Variants in APCDD1 observed in about 807,000 individuals in gnomAD.
APCDD1 encodes APC down-regulated 1, also known as protein APCDD1.
A neutral mutation model predicts 38.1 loss-of-function variants in APCDD1; 15 were observed. That is an observed-to-expected ratio of 0.39 (90% CI 0.26 to 0.61). The LOEUF (loss-of-function observed/expected upper bound fraction) is 0.61, where lower values mean the gene tolerates loss of function less well. APCDD1 is among the 20% of genes least tolerant of loss of function. The pLI is 0.49. For missense variants in APCDD1, 647 were observed against 696.2 expected (o/e 0.93, Z 0.79); for synonymous variants, 261 against 279.7 (o/e 0.93, Z 0.67).
At position 10,463,807 on chromosome 18, in the gene APCDD1, G is replaced by A. The variant is rs543616041; in HGVS notation, c.59-4662G>A. On this transcript the variant is annotated intron_variant, in intron 1 of 4. Transcript: ENST00000355285. ...GATGTTGGGTACTTTGAAGGGAAAA[G>A]ATAAAAATGGAATAAATACCAACCC... is the stretch of plus-strand genomic sequence containing the variant. Among the ~76,000 whole-genome samples, 9 of 152,296 alleles carry A rather than the reference G, an allele frequency of 5.9e-5. No homozygotes were observed. The South Asian group carries it at 1.9e-3, about 32-fold the overall frequency.
intron 1 of APCDD1, among the ~76,000 whole-genome samples, chr18:10,463,280 A>G (rs571714077): frequency 6.6e-6 from 1 of 152,094 alleles, no homozygotes; most frequent in South Asian, 2.1e-4. Flanking sequence ...CTACAACCCT[A>G]CAGTTTCTTG....
rs553603199 is a variant in APCDD1, at chr18:10,459,860, G to A, written c.58+4821G>A. On this transcript the variant is annotated intron_variant, in intron 1 of 4. Coordinates refer to ENST00000355285, the MANE Select transcript of APCDD1 (RefSeq NM_153000.5). ...TTTTATGTATCACAACAATTCTAAC[G>A]AGAACACTTTTCTCAGTCTGATTAT... 8.6e-4 allele frequency among the ~76,000 whole-genome samples: 25 copies of A among 28,922 alleles called. 1 individual carries two copies. Among genetic ancestry groups the A allele is most frequent in the Admixed American group, 5.8e-3 (23 of 3,932 alleles). The allele number at this position is 28,922 out of a possible 152,430, so 19.0% of individuals were successfully genotyped here.
Position 10,485,939 on chromosome 18 carries a change from C to G in APCDD1, c.1096+156C>G, listed in dbSNP as rs2031242416. ...CTGCCTCAGTCCTTCCCAACGCCCTCTGAGTTTCTCCCTGCTCAAAATGGA... is the reference window on the plus strand; with the variant it reads ...CTGCCTCAGTCCTTCCCAACGCCCTGTGAGTTTCTCCCTGCTCAAAATGGA... On this transcript the variant is annotated intron_variant, in intron 4 of 4. Coordinates refer to ENST00000355285, the MANE Select transcript of APCDD1 (RefSeq NM_153000.5). The surrounding 1 kb of genome is among the most constrained non-coding windows in gnomAD (Gnocchi z 5.8). Among the ~76,000 whole-genome samples the G allele has an allele frequency of 6.6e-6, 1 of 152,232 alleles. No individual in the cohort carries two copies. Among genetic ancestry groups the G allele is most frequent in the East Asian group, 1.9e-4 (1 of 5,198 alleles).
At position 10,474,785 on chromosome 18, in the gene APCDD1, CA is replaced by C. The variant is rs1396200076; in HGVS notation, c.774+2726del. Among the ~76,000 whole-genome samples the C allele has an allele frequency of 5.3e-5, 8 of 152,350 alleles. No homozygotes were observed. In the South Asian group the frequency reaches 1.2e-3, roughly 24 times the overall value. Reference sequence around the variant, plus strand: ...CCAGGAGGGGACACTTCATTCCCGTCAATGTCCCTCTGCAGACCTGTCTGTG... The same window carrying C: ...CCAGGAGGGGACACTTCATTCCCGTCATGTCCCTCTGCAGACCTGTCTGTG... On this transcript the variant is annotated intron_variant, in intron 3 of 4. Coordinates refer to ENST00000355285, the MANE Select transcript of APCDD1 (RefSeq NM_153000.5).
In APCDD1 at chr18:10,481,773, C is replaced by T. The variant is rs1015661728; in HGVS notation, c.775-3689C>T. 2.6e-5 allele frequency among the ~76,000 whole-genome samples: 4 copies of T among 151,972 alleles called. No individual in the cohort carries two copies. The East Asian group carries it at 7.7e-4, about 29-fold the overall frequency. On this transcript the variant is annotated intron_variant, in intron 3 of 4. Transcript: ENST00000355285. ...ACTCCCTGCACCCTCCCTAAATTCT[C>T]AGGCCCACCTGATGGAAAACAAGCC...
rs887842776 is a variant in APCDD1 at position 10,471,436 on chromosome 18, T to C, written c.243-94T>C. ...AGAGTCTGGCCCATCGTCAGCACTT[T>C]ATTATTATTTCTGTAATTTCTTAAT... On this transcript the variant is annotated intron_variant, in intron 2 of 4. Transcript: ENST00000355285. The surrounding 1 kb of genome is among the most constrained non-coding windows in gnomAD (Gnocchi z 5.5). 1 of 1,528,660 alleles carries C rather than the reference T, an allele frequency of 6.5e-7. No homozygotes were observed. The highest frequency in any genetic ancestry group is 1.7e-5 in the Admixed American group (1 of 58,274). The allele number at this position is 1,528,660 out of a possible 1,614,324, so 94.7% of individuals were successfully genotyped here.
In APCDD1 at chr18:10,454,791, G is replaced by T. The variant is rs561727777; in HGVS notation, c.-191G>T. 1.6e-5 allele frequency: 16 copies of T among 980,982 alleles called. No homozygotes were observed. The South Asian group carries it at 7.0e-4, about 43-fold the overall frequency. The allele number at this position is 980,982 out of a possible 1,614,324, so 60.8% of individuals were successfully genotyped here. On this transcript the variant is annotated 5_prime_UTR_variant, in exon 1 of 5. Transcript: ENST00000355285. ...CGGGCCGGGGCGCCCACAGCCGCCC[G>T]ACGGCGCCCAGAGAGCGCGCGCCCC...
Position 10,471,843 on chromosome 18 carries a change from G to A in APCDD1, c.556G>A (p.Ala186Thr). The change falls in exon 3 of 5, where the codon GCC becomes ACC. Residue 186 changes from alanine to threonine, a missense_variant. Ala to Thr is a moderately conservative substitution (Grantham distance 58). Coordinates refer to ENST00000355285, the MANE Select transcript of APCDD1 (RefSeq NM_153000.5). This position sits in a 1 kb window ranked among gnomAD's most constrained non-coding sequence, Gnocchi z 5.5. ...ADGGPWVQDVAYDLWREENGC... is the reference protein window; with the variant it reads ...ADGGPWVQDVTYDLWREENGC... ...CGGGGGTCCCTGGGTGCAGGACGTG[G>A]CCTATGACCTCTGGCGAGAGGAGAA... The A allele has an allele frequency of 3.1e-6, 5 of 1,614,208 alleles. No individual in the cohort carries two copies. Among genetic ancestry groups the A allele is most frequent in the Non-Finnish European group, 4.2e-6 (5 of 1,180,052 alleles).
In APCDD1 at chr18:10,469,914, G is replaced by A. The variant is rs1340519982; in HGVS notation, c.242+1262G>A. Among the ~76,000 whole-genome samples, 1 of 152,210 alleles carries A rather than the reference G, an allele frequency of 6.6e-6. No individual in the cohort carries two copies. The highest frequency in any genetic ancestry group is 6.5e-5 in the Admixed American group (1 of 15,286). ...CAGCCTCACATGAGGCTGCTGGGGA[G>A]GGTAGGCCAGCTCTAAGGCATCTTG... is the stretch of plus-strand genomic sequence containing the variant. On this transcript the variant is annotated intron_variant, in intron 2 of 4. Transcript: ENST00000355285. The surrounding 1 kb of genome is among the most constrained non-coding windows in gnomAD (Gnocchi z 5.5).
In APCDD1 at chr18:10,488,818, G is replaced by A. The variant is rs980124710; in HGVS notation, c.*780G>A. On this transcript the variant is annotated 3_prime_UTR_variant, in exon 5 of 5. Coordinates refer to ENST00000355285, the MANE Select transcript of APCDD1 (RefSeq NM_153000.5). The stretch of plus-strand genomic sequence containing the variant: ...AGTAGACAGGATCATTAGGAAAATA[G>A]CAACATCAATCCTGTTACACAGGAG... 1.2e-4 allele frequency: 18 copies of A among 152,114 alleles called. No individual in the cohort carries two copies. Among genetic ancestry groups the A allele is most frequent in the African/African-American group, 4.3e-4 (18 of 41,386 alleles). 9.4% of individuals were successfully genotyped at this position (152,114 alleles called of 1,614,324 possible).
chr18:10,454,930 C>T lies in APCDD1; in HGVS notation c.-52C>T. 2.0e-6 allele frequency: 3 copies of T among 1,478,788 alleles called. No homozygotes were observed. Among genetic ancestry groups the T allele is most frequent in the Non-Finnish European group, 2.7e-6 (3 of 1,110,980 alleles). 91.6% of individuals were successfully genotyped at this position (1,478,788 alleles called of 1,614,324 possible). The stretch of plus-strand genomic sequence containing the variant: ...AGGGCAGAGCGCGCGCCCAGTTGCC[C>T]GGGCACCAAATCGGAGCGCGGCGTG... On this transcript the variant is annotated 5_prime_UTR_variant, in exon 1 of 5. Transcript: ENST00000355285.
chr18:10,474,461 G>C (rs1470482699), intron 3 of APCDD1, among the ~76,000 whole-genome samples: 1 of 152,260 alleles, frequency 6.6e-6, no homozygotes, highest in Non-Finnish European at 1.5e-5. Context: ...CGAGGTCTGA[G>C]TGAGGAGGCA....
In APCDD1 at chr18:10,472,141, G is replaced by A; in HGVS notation, c.774+80G>A. On this transcript the variant is annotated intron_variant, in intron 3 of 4. Coordinates refer to ENST00000355285, the MANE Select transcript of APCDD1 (RefSeq NM_153000.5). The surrounding 1 kb of genome is among the most constrained non-coding windows in gnomAD (Gnocchi z 6.6). ...TAAAGGCTTGCCATGGGGGCTCTAG[G>A]GCACCCTTGAAAGGGGGAATTCTGC... The A allele has an allele frequency of 6.3e-7, 1 of 1,585,396 alleles. No homozygotes were observed. Among genetic ancestry groups the A allele is most frequent in the South Asian group, 1.1e-5 (1 of 90,344 alleles).
At chr18:10,481,544 G>A (rs2143556218) in intron 3 of APCDD1, among the ~76,000 whole-genome samples, 1 of 152,168 alleles carries the variant, frequency 6.6e-6, no homozygotes, top group African/African-American at 2.4e-5. Context: ...AGAGAATGAG[G>A]CGTTAGTGTT....
chr18:10,485,683 G>C lies in APCDD1; in HGVS notation c.996G>C (p.Pro332=), dbSNP rs114618438. 7 of 1,613,980 alleles carry C rather than the reference G, an allele frequency of 4.3e-6. No homozygotes were observed. Among genetic ancestry groups the C allele is most frequent in the African/African-American group, 2.7e-5 (2 of 74,902 alleles). ...WEGHYYHYSD[P]VCKHPTFSIY... ...GCCACTACTACCACTACTCAGACCC[G>C]GTGTGCAAGCACCCCACCTTCTCCA... The change falls in exon 4 of 5, where the codon CCG becomes CCC. Residue 332 remains proline (P), a synonymous_variant. Transcript: ENST00000355285. This position sits in a 1 kb window ranked among gnomAD's most constrained non-coding sequence, Gnocchi z 5.8.
Position 10,475,796 on chromosome 18 carries a change from G to GA in APCDD1, c.774+3735_774+3736insA, listed in dbSNP as rs923649358. ...TAGCTGCCTCGCAAGATGGCTGAGG[G>GA]GGGGGGGGGTCAGTGGAAGGCCGAG... On this transcript the variant is annotated intron_variant, in intron 3 of 4. Transcript: ENST00000355285. The surrounding 1 kb of genome is among the most constrained non-coding windows in gnomAD (Gnocchi z 4.0). 4 of 132,874 alleles carry GA rather than the reference G, an allele frequency of 3.0e-5. No homozygotes were observed. Among genetic ancestry groups the GA allele is most frequent in the Admixed American group, 7.3e-5 (1 of 13,670 alleles). 8.2% of individuals were successfully genotyped at this position (132,874 alleles called of 1,614,324 possible).
intron 3 of APCDD1, among the ~76,000 whole-genome samples, chr18:10,478,030 C>A (rs1368387236): frequency 6.6e-6 from 1 of 152,110 alleles, no homozygotes; most frequent in Non-Finnish European, 1.5e-5. Context: ...TTCTAAGCTG[C>A]CTTGGAAGTC....
intron 3 of APCDD1, among the ~76,000 whole-genome samples, chr18:10,474,809 G>T (rs1226418556): frequency 1.3e-5 from 2 of 152,204 alleles, no homozygotes; most frequent in East Asian, 3.9e-4. Flanking sequence ...AGACCTGTCT[G>T]TGGCTCCTGG....
In APCDD1 at chr18:10,485,747, T is replaced by C. The variant is rs1226186802; in HGVS notation, c.1060T>C (p.Ser354Pro). The C allele has an allele frequency of 6.2e-7, 1 of 1,613,826 alleles. No individual in the cohort carries two copies. Among genetic ancestry groups the C allele is most frequent in the African/African-American group, 1.3e-5 (1 of 75,048 alleles). The change falls in exon 4 of 5, where the codon TCC becomes CCC. Residue 354 changes from serine (S) to proline (P), a missense_variant. Coordinates refer to ENST00000355285, the MANE Select transcript of APCDD1 (RefSeq NM_153000.5). This position sits in a 1 kb window ranked among gnomAD's most constrained non-coding sequence, Gnocchi z 5.8. ...CCGCTACAGCCGCGGCGTCCTCTCGTCCAGGGTCATGGGAGGCACCGAGTT... is the reference window on the plus strand; with the variant it reads ...CCGCTACAGCCGCGGCGTCCTCTCGCCCAGGGTCATGGGAGGCACCGAGTT... ...RGRYSRGVLSSRVMGGTEFVF... is the reference protein window; with the variant it reads ...RGRYSRGVLSPRVMGGTEFVF...
Sources: gnomAD v4.1 joint callset for allele counts (sites outside exome capture counted in the v4.1 genomes callset) on GRCh38, gnomAD v4.1.1 for gene constraint, Gnocchi (gnomAD v3.1) non-coding constraint, MANE v1.5 for transcripts, NCBI Gene and HGNC (gene_info 2026-07-23, HGNC 2026-07-21) for gene names.